The following ZSWIM6 variants were observed in gnomAD, a reference collection of about 807,000 sequenced individuals.
ZSWIM6 encodes zinc finger SWIM-type containing 6.
A neutral mutation model predicts 113.2 loss-of-function variants in ZSWIM6; 9 were observed. The ratio of observed to expected loss-of-function variants is 0.08; its 90% CI spans 0.05 to 0.14. ZSWIM6 has a LOEUF of 0.14. ZSWIM6 is among the 10% of genes least tolerant of loss of function. ZSWIM6 has a pLI of 1.00. For missense variants in ZSWIM6, 1,162 were observed against 1,552.2 expected (o/e 0.75, Z 4.22); for synonymous variants, 611 against 606.5 (o/e 1.01, Z -0.11).
Position 61,472,968 on chromosome 5 carries a change from G to A in ZSWIM6, c.964G>A (p.Val322Ile). Residue 322 changes from valine (V) to isoleucine (I), a missense_variant, in exon 2 of 14, where the codon GTT (valine) becomes ATT (isoleucine). Coordinates refer to ENST00000252744, the MANE Select transcript of ZSWIM6 (RefSeq NM_020928.2). This position sits in a 1 kb window ranked among gnomAD's most constrained non-coding sequence, Gnocchi z 4.1. Reference sequence around the variant, plus strand: ...TTTGATCACAGTGCACCACACAGAAGTTTTGCCAACTGCTCAAAAATTAGC... The same window carrying A: ...TTTGATCACAGTGCACCACACAGAAATTTTGCCAACTGCTCAAAAATTAGC... ...QYLITVHHTE[V>I]LPTAQKLADE... The A allele has an allele frequency of 6.5e-7, 1 of 1,543,160 alleles. No individual in the cohort carries two copies. The highest frequency in any genetic ancestry group is 1.2e-5 in the South Asian group (1 of 82,526).
chr5:61,411,863 G>A (rs1034342025), intron 1 of ZSWIM6, among the ~76,000 whole-genome samples: 2 of 152,226 alleles, frequency 1.3e-5, no homozygotes, highest in African/African-American at 4.8e-5. Flanking sequence ...CCTTGGAGGT[G>A]AGGATTTCAA....
At chr5:61,397,359 G>A (rs1449098295) in intron 1 of ZSWIM6, among the ~76,000 whole-genome samples, 3 of 152,194 alleles carry the variant, frequency 2.0e-5, no homozygotes, top group Non-Finnish European at 2.9e-5. Context: ...TTCACCTTGA[G>A]TGTTATATTA....
At chr5:61,535,736 A>T in intron 10 of ZSWIM6, 117 bp downstream of exon 10, 1 of 1,276,662 alleles carries the variant, frequency 7.8e-7, no homozygotes, top group Non-Finnish European at 1.1e-6. Context: ...TAAAGAAACT[A>T]TGTATTTATG....
intron 3 of ZSWIM6, 56 bp from the exon 4 acceptor site, chr5:61,494,204 G>A: frequency 6.5e-7 from 1 of 1,529,184 alleles, no homozygotes; most frequent in Non-Finnish European, 8.8e-7. Context: ...TTGCTGTGGG[G>A]TTTTGTTGTG....
chr5:61,514,930 T>C (rs926188604), intron 4 of ZSWIM6, among the ~76,000 whole-genome samples: 4 of 152,134 alleles, frequency 2.6e-5, no homozygotes, highest in South Asian at 2.1e-4. Flanking sequence ...CTGGAAGACA[T>C]TGTGTAGAAT....
chr5:61,486,706 AT>A (rs1276483130), intron 2 of ZSWIM6, among the ~76,000 whole-genome samples: 1 of 151,888 alleles, frequency 6.6e-6, no homozygotes, highest in Non-Finnish European at 1.5e-5. Flanking sequence ...GATGTTGAGC[AT>A]TTTTTCATGT....
chr5:61,365,642 T>TAA (rs1387607296), intron 1 of ZSWIM6, among the ~76,000 whole-genome samples: 1 of 152,208 alleles, frequency 6.6e-6, no homozygotes, highest in Non-Finnish European at 1.5e-5. Context: ...TGTCTCACAG[T>TAA]AAACAGTGTG....
intron 1 of ZSWIM6, among the ~76,000 whole-genome samples, chr5:61,434,635 G>T (rs1746664352): frequency 6.6e-6 from 1 of 152,048 alleles, no homozygotes; most frequent in African/African-American, 2.4e-5. Context: ...TTCTTTTTAT[G>T]GCTGAGTAGT....
At chr5:61,449,004 C>A (rs2112155498) in intron 1 of ZSWIM6, among the ~76,000 whole-genome samples, 1 of 152,324 alleles carries the variant, frequency 6.6e-6, no homozygotes, top group Admixed American at 6.5e-5. Flanking sequence ...GTCCTTGTAA[C>A]CAAAGCATCT....
At chr5:61,410,309 CTT>C (rs532542169) in intron 1 of ZSWIM6, among the ~76,000 whole-genome samples, 5 of 129,992 alleles carry the variant, frequency 3.8e-5, no homozygotes, top group Non-Finnish European at 5.0e-5. Context: ...GATGTATTTC[CTT>C]TTTTTTTTTT....
At chr5:61,381,700 C>T (rs973012575) in intron 1 of ZSWIM6, among the ~76,000 whole-genome samples, 3 of 152,094 alleles carry the variant, frequency 2.0e-5, no homozygotes, top group Non-Finnish European at 4.4e-5. Flanking sequence ...CCCTGTTGTT[C>T]AGCTGTAACT....
At chr5:61,436,077 T>C (rs1746700382) in intron 1 of ZSWIM6, among the ~76,000 whole-genome samples, 1 of 151,984 alleles carries the variant, frequency 6.6e-6, no homozygotes, top group South Asian at 2.1e-4. Context: ...GGTGCATGCC[T>C]GTAATCCCAG....
At chr5:61,527,770 GATTTT>G (rs1225080813) in intron 7 of ZSWIM6, among the ~76,000 whole-genome samples, 1 of 152,044 alleles carries the variant, frequency 6.6e-6, no homozygotes, top group Non-Finnish European at 1.5e-5. Flanking sequence ...ATGATCATCT[GATTTT>G]TAAAAAAAAT....
At chr5:61,456,047 T>C (rs1213365634) in intron 1 of ZSWIM6, among the ~76,000 whole-genome samples, 1 of 152,098 alleles carries the variant, frequency 6.6e-6, no homozygotes, top group African/African-American at 2.4e-5. Context: ...AATCGGATCC[T>C]CATTTAATCT....
intron 4 of ZSWIM6, among the ~76,000 whole-genome samples, chr5:61,516,322 G>C (rs949923244): frequency 6.7e-6 from 1 of 148,534 alleles, no homozygotes; most frequent in Non-Finnish European, 1.5e-5. Context: ...CTTTGTGTTT[G>C]TATCTCCTAG....
At chr5:61,360,133 A>G (rs1745003219) in intron 1 of ZSWIM6, among the ~76,000 whole-genome samples, 1 of 152,194 alleles carries the variant, frequency 6.6e-6, no homozygotes, top group African/African-American at 2.4e-5. Flanking sequence ...GGTCTGCTGG[A>G]GATCTTCATT....
rs542546083 is a variant in ZSWIM6 at position 61,505,150 on chromosome 5, C to T, written c.1333+10740C>T. Among the ~76,000 whole-genome samples, 23 of 152,210 alleles carry T rather than the reference C, an allele frequency of 1.5e-4. 1 individual carries two copies. The South Asian group carries it at 3.7e-3, about 25-fold the overall frequency. On this transcript the variant is annotated intron_variant, in intron 4 of 13. Coordinates refer to ENST00000252744, the MANE Select transcript of ZSWIM6 (RefSeq NM_020928.2). ...GATGAGCCATGAAACTGTTTATGAA[C>T]GGTTTTTTATGTTTCTTATGCTTAA...
Position 61,543,195 on chromosome 5 carries a change from A to C in ZSWIM6, c.2786-260A>C, listed in dbSNP as rs1017160508. Among the ~76,000 whole-genome samples the C allele has an allele frequency of 1.3e-5, 2 of 151,576 alleles. No individual in the cohort carries two copies. The highest frequency in any genetic ancestry group is 2.4e-5 in the African/African-American group (1 of 41,216). ...CATTGTCTGAAATGGCAAGCAGCAC[A>C]GTACAAATACCAGCTACCAAGAGGA... On this transcript the variant is annotated intron_variant, in intron 13 of 13. Transcript: ENST00000252744. This position sits in a 1 kb window ranked among gnomAD's most constrained non-coding sequence, Gnocchi z 4.3.
chr5:61,348,838 G>A (rs1403786484), intron 1 of ZSWIM6, among the ~76,000 whole-genome samples: 1 of 152,092 alleles, frequency 6.6e-6, no homozygotes, highest in Non-Finnish European at 1.5e-5. Flanking sequence ...TCTAGATTGA[G>A]GGGCATTCTG....
Sources: gnomAD v4.1 joint callset for allele counts (sites outside exome capture counted in the v4.1 genomes callset) on GRCh38, gnomAD v4.1.1 for gene constraint, Gnocchi (gnomAD v3.1) non-coding constraint, MANE v1.5 for transcripts, NCBI Gene and HGNC (gene_info 2026-07-23, HGNC 2026-07-21) for gene names.